Variants in RELN observed in about 807,000 individuals in gnomAD.
The protein encoded by RELN is reelin.
Under a neutral mutation model 427.6 loss-of-function variants are expected in RELN, and 108 were observed. The observed-to-expected ratio is 0.25, with a 90% CI of 0.22 to 0.30. The LOEUF (loss-of-function observed/expected upper bound fraction) is 0.30. RELN is among the 10% of genes least tolerant of loss of function. The probability of loss-of-function intolerance (pLI) is 1.00; values close to 1 mark genes in which losing one functional copy is unlikely to be tolerated. For synonymous variants in RELN, 1,524 were observed against 1,513.4 expected (o/e 1.01, Z -0.16); for missense variants, 3,715 against 4,302.8 (o/e 0.86, Z 3.82).
At chr7:103,790,170 A>T (rs912393454) in intron 3 of RELN, among the ~76,000 whole-genome samples, 1 of 152,118 alleles carries the variant, frequency 6.6e-6, no homozygotes, top group African/African-American at 2.4e-5. Flanking sequence ...AACATTACAC[A>T]GTAGGGCCTG....
chr7:103,919,133 C>CTTTTTTTT, intron 1 of RELN, among the ~76,000 whole-genome samples: 1 of 101,364 alleles, frequency 9.9e-6, no homozygotes, highest in Non-Finnish European at 2.0e-5. Context: ...GATAATCGGT[C>CTTTTTTTT]TTTTTTTTTT....
chr7:103,517,136 T>G (rs896225134), intron 49 of RELN, among the ~76,000 whole-genome samples: 4 of 151,784 alleles, frequency 2.6e-5, no homozygotes, highest in Admixed American at 2.6e-4. Flanking sequence ...GTCTATTTCC[T>G]CATTTATGTC....
rs533398734 is a variant in RELN at position 103,953,159 on chromosome 7, C to T, written c.226+35972G>A. Reference sequence around the variant, plus strand: ...AGAGATATTTGCTCCAAGATCAGCACCACAGGGGAAAAATCAGGGCAAGAA... The same window carrying T: ...AGAGATATTTGCTCCAAGATCAGCATCACAGGGGAAAAATCAGGGCAAGAA... On this transcript the variant is annotated intron_variant, in intron 1 of 64. Coordinates refer to ENST00000428762, the MANE Select transcript of RELN (RefSeq NM_005045.4). This position sits in a 1 kb window ranked among gnomAD's most constrained non-coding sequence, Gnocchi z 4.3. Among the ~76,000 whole-genome samples the T allele has an allele frequency of 1.3e-5, 2 of 152,216 alleles. No homozygotes were observed. Among genetic ancestry groups the T allele is most frequent in the African/African-American group, 4.8e-5 (2 of 41,524 alleles).
At chr7:103,842,399 C>G (rs1350891408) in intron 2 of RELN, among the ~76,000 whole-genome samples, 1 of 152,106 alleles carries the variant, frequency 6.6e-6, no homozygotes, top group Non-Finnish European at 1.5e-5. Context: ...TAACTGTCTA[C>G]TTACAGAATT....
At chr7:103,828,126 G>T (rs39354) in intron 3 of RELN, among the ~76,000 whole-genome samples, 57,689 of 151,624 alleles carry the variant, frequency 0.38, 11,293 homozygotes, top group Non-Finnish European at 0.42. Context: ...GGAAATAAAT[G>T]GGCAACCATG....
chr7:103,808,275 G>GC (rs1424419520), intron 3 of RELN, among the ~76,000 whole-genome samples: 1 of 150,970 alleles, frequency 6.6e-6, no homozygotes, highest in Non-Finnish European at 1.5e-5. Flanking sequence ...GTGTGGGGAG[G>GC]GGGGAGGGAT....
rs186445954 is a variant in RELN at position 103,914,178 on chromosome 7, C to G, written c.337+2897G>C. Among the ~76,000 whole-genome samples the G allele has an allele frequency of 2.6e-4, 39 of 152,202 alleles. 1 individual carries two copies. The highest frequency in any genetic ancestry group is 2.2e-3 in the Admixed American group (34 of 15,280). ...TTAAATAATTTGTAACAATTTTATT[C>G]TTTGTTTGTTTGTCTTACTAGCTAA... On this transcript the variant is annotated intron_variant, in intron 2 of 64. Coordinates refer to ENST00000428762, the MANE Select transcript of RELN (RefSeq NM_005045.4).
intron 64 of RELN, among the ~76,000 whole-genome samples, chr7:103,477,477 A>G (rs1828076870): frequency 6.6e-6 from 1 of 152,238 alleles, no homozygotes; most frequent in Non-Finnish European, 1.5e-5. Flanking sequence ...GGACTGTTCA[A>G]CATATCTTAG....
At position 103,496,555 on chromosome 7, in the gene RELN, G is replaced by A. The variant is rs1828847120; in HGVS notation, c.9164C>T (p.Pro3055Leu). The A allele has an allele frequency of 6.2e-7, 1 of 1,614,068 alleles. No homozygotes were observed. The highest frequency in any genetic ancestry group is 8.5e-7 in the Non-Finnish European group (1 of 1,180,002). ...NILIGGAEIN[P>L]SQLVDTFDDE... The stretch of plus-strand genomic sequence containing the variant: ...ATCAAAAGTGTCCACCAATTGGCTG[G>A]GATTGATTTCTGCTCCACCAATCAA... Residue 3055 changes from proline (P) to leucine (L), a missense_variant, in exon 56 of 65, where the codon CCC (proline) becomes CTC (leucine). By Grantham distance (98) the Pro-to-Leu change is moderately conservative. Transcript: ENST00000428762.
chr7:103,952,620 T>C (rs571517589), intron 1 of RELN, among the ~76,000 whole-genome samples: 38 of 152,260 alleles, frequency 2.5e-4, no homozygotes, highest in African/African-American at 7.9e-4. Flanking sequence ...TATTGAAATG[T>C]GTCACTGCAA....
At chr7:103,933,815 GGCC>G (rs1795917031) in intron 1 of RELN, among the ~76,000 whole-genome samples, 2 of 152,044 alleles carry the variant, frequency 1.3e-5, no homozygotes, top group East Asian at 3.9e-4. Flanking sequence ...CTAACCACGT[GGCC>G]TCATGCAGAT....
intron 10 of RELN, among the ~76,000 whole-genome samples, chr7:103,696,438 T>C (rs1436204148): frequency 6.6e-6 from 1 of 152,150 alleles, no homozygotes; most frequent in East Asian, 1.9e-4. Context: ...TAGTTCTTCT[T>C]GCTTTCCCTC....
At chr7:103,903,605 G>C (rs192273618) in intron 2 of RELN, among the ~76,000 whole-genome samples, 1 of 152,102 alleles carries the variant, frequency 6.6e-6, no homozygotes, top group Non-Finnish European at 1.5e-5. Context: ...AAGCTTAGTG[G>C]CAACTTCTGT....
Position 103,901,754 on chromosome 7 carries a change from T to C in RELN, c.337+15321A>G, listed in dbSNP as rs554170071. On this transcript the variant is annotated intron_variant, in intron 2 of 64. Coordinates refer to ENST00000428762, the MANE Select transcript of RELN (RefSeq NM_005045.4). ...CCTGGGGATGAGAGGTGGTAGAATTTGGGACTGACTCCTAATAGATACAGG... is the reference window on the plus strand; with the variant it reads ...CCTGGGGATGAGAGGTGGTAGAATTCGGGACTGACTCCTAATAGATACAGG... Among the ~76,000 whole-genome samples, 7 of 152,102 alleles carry C rather than the reference T, an allele frequency of 4.6e-5. No homozygotes were observed. The East Asian group carries it at 1.4e-3, about 29-fold the overall frequency.
chr7:103,912,160 T>TCC (rs149595081), intron 2 of RELN, among the ~76,000 whole-genome samples: 17,518 of 151,094 alleles, frequency 0.12, 1,141 homozygotes, highest in South Asian at 0.18. Context: ...TTCACTACAT[T>TCC]CCCCCCCAAC....
In RELN at chr7:103,749,446, C is replaced by T. The variant is rs963610423; in HGVS notation, c.636G>A (p.Leu212=). 1.9e-6 allele frequency: 3 copies of T among 1,612,730 alleles called. No individual in the cohort carries two copies. The highest frequency in any genetic ancestry group is 2.5e-6 in the Non-Finnish European group (3 of 1,179,016). ...CTTACCATATATTTGGATTTAATTGCAGTTGGTGGTAGGAGTCAAAGTCAT... is the reference window on the plus strand; with the variant it reads ...CTTACCATATATTTGGATTTAATTGTAGTTGGTGGTAGGAGTCAAAGTCAT... ...LRDDFDSYHQ[L]QLNPNIWVEC... The change falls in exon 6 of 65, where the codon CTG becomes CTA. Residue 212 remains leucine, a synonymous_variant. Transcript: ENST00000428762.
intron 34 of RELN, among the ~76,000 whole-genome samples, chr7:103,564,145 A>G (rs1302420628): frequency 6.6e-6 from 1 of 152,242 alleles, no homozygotes; most frequent in African/African-American, 2.4e-5. Context: ...TAAAAAATGA[A>G]TAAATGAGCT....
chr7:103,907,932 T>A (rs1181844003), intron 2 of RELN, among the ~76,000 whole-genome samples: 1 of 152,068 alleles, frequency 6.6e-6, no homozygotes, highest in East Asian at 1.9e-4. Context: ...TAGGTATTTG[T>A]ATTAATGTTC....
chr7:103,912,573 T>C (rs1319678557), intron 2 of RELN, among the ~76,000 whole-genome samples: 3 of 151,670 alleles, frequency 2.0e-5, no homozygotes, highest in African/African-American at 7.3e-5. Flanking sequence ...ATTACAAGAG[T>C]TTAAGTAAAA....
Sources: gnomAD v4.1 joint callset for allele counts (sites outside exome capture counted in the v4.1 genomes callset) on GRCh38, gnomAD v4.1.1 for gene constraint, Gnocchi (gnomAD v3.1) non-coding constraint, MANE v1.5 for transcripts, NCBI Gene and HGNC (gene_info 2026-07-23, HGNC 2026-07-21) for gene names.